The following ABCA4 variants were observed in gnomAD, a reference collection of about 807,000 sequenced individuals.
ABCA4 encodes the protein ATP binding cassette subfamily A member 4, also known as retinal-specific phospholipid-transporting ATPase ABCA4.
A neutral mutation model predicts 263.7 loss-of-function variants in ABCA4; 196 were observed. That is an observed-to-expected ratio of 0.74 (90% CI 0.66 to 0.84). The LOEUF (loss-of-function observed/expected upper bound fraction) is 0.84, where lower values mean the gene tolerates loss of function less well. Among genes scored for constraint, ABCA4 ranks in the 40% least tolerant of loss-of-function variants. ABCA4 has a pLI of 0.00. For missense variants in ABCA4, 2,792 were observed against 2,855.1 expected (o/e 0.98, Z 0.50); for synonymous variants, 1,133 against 1,094.2 (o/e 1.04, Z -0.70).
chr1:94,003,367 T>A (rs1384985735), intron 44 of ABCA4, among the ~76,000 whole-genome samples: 1 of 150,346 alleles, frequency 6.7e-6, no homozygotes, highest in Non-Finnish European at 1.5e-5. Context: ...TTTTTTTTTT[T>A]AAGGAATATT....
rs1282522568 is a variant in ABCA4, at chr1:94,048,857, CG to C, written c.2743+10del. ...CTCGCCTCTGCTGTGTATTCTTTAT[CG>C]GGGTTTTACCGTGTATTCCTTCTGG... On this transcript the variant is annotated intron_variant, in intron 18 of 49. Coordinates refer to ENST00000370225, the MANE Select transcript of ABCA4 (RefSeq NM_000350.3). 7 of 1,613,632 alleles carry C rather than the reference CG, an allele frequency of 4.3e-6. No individual in the cohort carries two copies. The East Asian group carries it at 1.6e-4, about 36-fold the overall frequency.
intron 31 of ABCA4, among the ~76,000 whole-genome samples, chr1:94,024,572 C>T (rs923389628): frequency 1.3e-5 from 2 of 152,124 alleles, no homozygotes; most frequent in African/African-American, 2.4e-5. Flanking sequence ...TTTTCTTCTA[C>T]CTTTTCCCCT....
At position 94,002,496 on chromosome 1, in the gene ABCA4, C is replaced by T. The variant is rs377162025; in HGVS notation, c.6148-504G>A. ...AGCCATTGCTGCTATCCTCAGACTG[C>T]GGGGAGGTGGCAGTCAAAATAAACA... On this transcript the variant is annotated intron_variant, in intron 44 of 49. Transcript: ENST00000370225. Among the ~76,000 whole-genome samples the T allele has an allele frequency of 1.4e-4, 21 of 152,328 alleles. No individual in the cohort carries two copies. The South Asian group carries it at 3.3e-3, about 24-fold the overall frequency.
intron 1 of ABCA4, among the ~76,000 whole-genome samples, chr1:94,117,746 T>C (rs978572314): frequency 6.6e-6 from 1 of 152,122 alleles, no homozygotes; most frequent in African/African-American, 2.4e-5. Context: ...CCCATCCGTG[T>C]TTCCTTCTAC....
intron 35 of ABCA4, 58 bp downstream of exon 35, chr1:94,021,182 G>A (rs1659884864): frequency 6.2e-6 from 10 of 1,608,596 alleles, no homozygotes; most frequent in Non-Finnish European, 8.5e-6. Context: ...CTCTCAGGAT[G>A]TTCAAAGAGT....
chr1:94,055,227 A>G lies in ABCA4; in HGVS notation c.2471T>C (p.Ile824Thr), dbSNP rs1660942697. The change falls in exon 16 of 50, where the codon ATC becomes ACC. Residue 824 changes from isoleucine to threonine, a missense_variant. By Grantham distance (89) the Ile-to-Thr change is moderately conservative. Coordinates refer to ENST00000370225, the MANE Select transcript of ABCA4 (RefSeq NM_000350.3). ...EQGLGLQWSN[I>T]GNSPTEGDEF... ...GTCCCCTTCCGTGGGACTGTTCCCG[A>G]TGTTGCTCCACTGCAGCCCCAGGCC... 1 of 1,614,186 alleles carries G rather than the reference A, an allele frequency of 6.2e-7. No homozygotes were observed. Among genetic ancestry groups the G allele is most frequent in the Non-Finnish European group, 8.5e-7 (1 of 1,180,024 alleles).
intron 20 of ABCA4, among the ~76,000 whole-genome samples, chr1:94,044,120 TCCTC>T (rs1313835107): frequency 1.3e-3 from 3 of 2,232 alleles, no homozygotes; most frequent in African/African-American, 1.5e-3. Flanking sequence ...CTTCCTTCCT[TCCTC>T]CCTTCCTTCC....
rs1193084148 is a variant in ABCA4 at position 94,000,894 on chromosome 1, C to T, written c.6421G>A (p.Ala2141Thr). 1 of 1,614,190 alleles carries T rather than the reference C, an allele frequency of 6.2e-7. No individual in the cohort carries two copies. The highest frequency in any genetic ancestry group is 1.1e-5 in the South Asian group (1 of 91,086). Residue 2141 changes from alanine to threonine, a missense_variant, in exon 47 of 50, where the codon GCC (alanine) becomes ACC (threonine). By Grantham distance (58) the Ala-to-Thr change is moderately conservative. Coordinates refer to ENST00000370225, the MANE Select transcript of ABCA4 (RefSeq NM_000350.3). ...CGAAAGGCGCCCTTTACCATGATGG[C>T]CAGCCGGGTACACAGTGCCTCACAT... Reference protein sequence around the residue: ...EECEALCTRLAIMVKGAFRCM... With the variant: ...EECEALCTRLTIMVKGAFRCM...
chr1:94,038,604 AGGCTGGAGAGTCCTTTAC>A (rs1437578093), intron 24 of ABCA4, among the ~76,000 whole-genome samples: 1 of 152,204 alleles, frequency 6.6e-6, no homozygotes, highest in East Asian at 1.9e-4. Context: ...CTTCATACGG[AGGCTGGAGAGTCCTTTAC>A]GTTAAGGAAG....
chr1:94,010,929 C>T lies in ABCA4; in HGVS notation c.5585G>A (p.Gly1862Asp), dbSNP rs565564468. ...QAVTDVYARF[G>D]EEHSANPFHW... ...GAACGGATTTGCAGAGTGCTCCTCA[C>T]CTGGGCATCAACAGGAATTGAGTCC... Residue 1862 changes from glycine (G) to aspartate (D), a missense_variant and splice_region_variant, in exon 40 of 50, where the codon GGT becomes GAT. Gly to Asp is a moderately conservative substitution (Grantham distance 94, BLOSUM62 -1). Transcript: ENST00000370225. 3 of 1,614,092 alleles carry T rather than the reference C, an allele frequency of 1.9e-6. No individual in the cohort carries two copies. Among genetic ancestry groups the T allele is most frequent in the South Asian group, 2.2e-5 (2 of 91,080 alleles).
In ABCA4 at chr1:94,021,651, C is replaced by T. The variant is rs1476762749; in HGVS notation, c.4837G>A (p.Asp1613Asn). 1.2e-6 allele frequency: 2 copies of T among 1,612,198 alleles called. No homozygotes were observed. Among genetic ancestry groups the T allele is most frequent in the South Asian group, 1.1e-5 (1 of 90,846 alleles). The change falls in exon 34 of 50, where the codon GAC becomes AAC. Residue 1613 changes from aspartate (D) to asparagine (N), a missense_variant. By Grantham distance (23) the Asp-to-Asn change is conservative. Transcript: ENST00000370225. ...CATAGGTCAAGTACCTTAATGTTGT[C>T]TTCAGTTTCTAGATGTTTAAGGAAA... ...PDFLKHLETEDNIKVWFNNKG... is the reference protein window; with the variant it reads ...PDFLKHLETENNIKVWFNNKG...
chr1:94,034,448 A>G (rs1017946725), intron 26 of ABCA4, among the ~76,000 whole-genome samples: 12 of 152,010 alleles, frequency 7.9e-5, no homozygotes, highest in Non-Finnish European at 1.5e-5. Context: ...AACTGCTGTA[A>G]TGATGGTTTC....
intron 3 of ABCA4, 34 bp from the exon 4 acceptor site, chr1:94,108,750 G>T (rs1208647020): frequency 6.2e-7 from 1 of 1,611,428 alleles, no homozygotes; most frequent in East Asian, 2.2e-5. Flanking sequence ...TAAGGAAATA[G>T]CTGTTATTTT....
rs1659551407 is a variant in ABCA4, at chr1:94,011,710, A to T, written c.5461-325T>A. ...TCTAGCCAGGCAGCATCTTCTAAAC[A>T]TTTACTATGCTCAGTACCATGTGGG... On this transcript the variant is annotated intron_variant, in intron 38 of 49. Coordinates refer to ENST00000370225, the MANE Select transcript of ABCA4 (RefSeq NM_000350.3). Among the ~76,000 whole-genome samples the T allele has an allele frequency of 2.6e-5, 4 of 152,160 alleles. No homozygotes were observed. The South Asian group carries it at 8.3e-4, about 31-fold the overall frequency.
Position 94,007,733 on chromosome 1 carries a change from C to A in ABCA4, c.5906G>T (p.Gly1969Val), listed in dbSNP as rs745851261. The A allele has an allele frequency of 1.2e-6, 2 of 1,613,924 alleles. No individual in the cohort carries two copies. The highest frequency in any genetic ancestry group is 8.5e-7 in the Non-Finnish European group (1 of 1,179,936). ...CVGVRPGECF[G>V]LLGVNGAGKT... ...GCCGGCACCATTCACTCCCAGGAGG[C>A]CAAAGCACTAGGAGAAAACACAGAG... Residue 1969 changes from glycine (G) to valine (V), a missense_variant, in exon 43 of 50, where the codon GGC becomes GTC. Physicochemically the swap from Gly to Val is moderately radical, Grantham distance 109. Coordinates refer to ENST00000370225, the MANE Select transcript of ABCA4 (RefSeq NM_000350.3).
At chr1:94,044,286 CTCCTG>C (rs1660608651) in intron 20 of ABCA4, among the ~76,000 whole-genome samples, 3 of 152,204 alleles carry the variant, frequency 2.0e-5, no homozygotes, top group Non-Finnish European at 4.4e-5. Flanking sequence ...AACAATGGTT[CTCCTG>C]TCTTTGGTCC....
intron 26 of ABCA4, among the ~76,000 whole-genome samples, chr1:94,035,094 T>G (rs1660305146): frequency 2.6e-5 from 4 of 152,246 alleles, no homozygotes. Flanking sequence ...TCCCCTTGAC[T>G]GTATCTTTGG....
At chr1:94,068,318 G>T (rs1034820620) in intron 11 of ABCA4, among the ~76,000 whole-genome samples, 37 of 152,264 alleles carry the variant, frequency 2.4e-4, no homozygotes, top group Middle Eastern at 3.4e-3. Context: ...ATCTTCCCTA[G>T]ATCAAGGTAG....
Position 94,021,417 on chromosome 1 carries a change from G to A in ABCA4, c.4849-8C>T, listed in dbSNP as rs372461600. 8 of 1,614,106 alleles carry A rather than the reference G, an allele frequency of 5.0e-6. No homozygotes were observed. The highest frequency in any genetic ancestry group is 5.9e-6 in the Non-Finnish European group (7 of 1,180,046). Reference sequence around the variant, plus strand: ...TTTGTTATTAAACCACACCTAGAGGGTGGAGAGGACATCTGAGACGCTGCA... The same window carrying A: ...TTTGTTATTAAACCACACCTAGAGGATGGAGAGGACATCTGAGACGCTGCA... On this transcript the variant is annotated splice_polypyrimidine_tract_variant and splice_region_variant and intron_variant, in intron 34 of 49. Transcript: ENST00000370225.
Sources: gnomAD v4.1 joint callset for allele counts (sites outside exome capture counted in the v4.1 genomes callset) on GRCh38, gnomAD v4.1.1 for gene constraint, MANE v1.5 for transcripts, NCBI Gene and HGNC (gene_info 2026-07-23, HGNC 2026-07-21) for gene names.